Variants in FSTL4 observed in about 807,000 individuals in gnomAD.
FSTL4 encodes the protein follistatin-related protein 4.
In FSTL4, 28 loss-of-function variants were observed where a neutral mutation model predicts 78.2. The observed-to-expected ratio is 0.36, with a 90% CI of 0.27 to 0.49. FSTL4 has a LOEUF of 0.49. Ranked by LOEUF, FSTL4 falls within the 20% of genes least tolerant of loss-of-function variation. The probability of loss-of-function intolerance (pLI) is 0.98; values close to 1 mark genes in which losing one functional copy is unlikely to be tolerated. For synonymous variants in FSTL4, 422 were observed against 440.5 expected (o/e 0.96, Z 0.53); for missense variants, 922 against 1,084.9 (o/e 0.85, Z 2.11).
At chr5:133,800,554 A>C in the FSTL4 span, among the ~76,000 whole-genome samples, 1 of 139,070 alleles carries the variant, frequency 7.2e-6, no homozygotes, top group African/African-American at 2.6e-5. Context: ...TAAGGGGAAC[A>C]GGGACCAACC....
chr5:133,819,026 T>A, the FSTL4 span, among the ~76,000 whole-genome samples: 1 of 145,056 alleles, frequency 6.9e-6, no homozygotes, highest in East Asian at 2.0e-4. Flanking sequence ...GAAGGAGATC[T>A]GCCCAGCCGT....
intron 2 of FSTL4, among the ~76,000 whole-genome samples, chr5:133,572,960 T>C (rs935644464): frequency 2.0e-5 from 3 of 152,126 alleles, no homozygotes; most frequent in African/African-American, 7.2e-5. Flanking sequence ...AACACAAGGA[T>C]TGGGCTGGGC....
the FSTL4 span, among the ~76,000 whole-genome samples, chr5:133,655,910 T>G: frequency 2.6e-5 from 4 of 152,224 alleles, no homozygotes; most frequent in Admixed American, 2.6e-4. Flanking sequence ...GTTTTGCAGA[T>G]GAGAAAACCG....
intron 4 of FSTL4, among the ~76,000 whole-genome samples, chr5:133,352,861 G>T (rs1364366688): frequency 6.6e-6 from 1 of 152,096 alleles, no homozygotes; most frequent in Non-Finnish European, 1.5e-5. Flanking sequence ...CTGTTAATGG[G>T]CACCTGGGTT....
Position 133,394,119 on chromosome 5 carries a change from C to T in FSTL4, c.409+6619G>A, listed in dbSNP as rs549358124. On this transcript the variant is annotated intron_variant, in intron 4 of 15. Transcript: ENST00000265342. ...TGTGTGACTTGGGACAGGTACTAGCCCTCTCTGGGCTTCACGGTCCCTCTT... is the reference window on the plus strand; with the variant it reads ...TGTGTGACTTGGGACAGGTACTAGCTCTCTCTGGGCTTCACGGTCCCTCTT... Among the ~76,000 whole-genome samples, 3 of 152,370 alleles carry T rather than the reference C, an allele frequency of 2.0e-5. No homozygotes were observed. In the South Asian group the frequency reaches 6.2e-4, roughly 32 times the overall value.
At chr5:133,623,100 T>C in the FSTL4 span, among the ~76,000 whole-genome samples, 3 of 151,590 alleles carry the variant, frequency 2.0e-5, no homozygotes, top group African/African-American at 7.3e-5. Context: ...TTTTTTTTTT[T>C]CCTACAAATG....
chr5:133,740,224 A>G, the FSTL4 span, among the ~76,000 whole-genome samples: 1 of 152,080 alleles, frequency 6.6e-6, no homozygotes. Context: ...ACCCCCTTAG[A>G]CAGGTGGAAG....
chr5:133,790,575 C>G, the FSTL4 span, among the ~76,000 whole-genome samples: 1 of 152,186 alleles, frequency 6.6e-6, no homozygotes, highest in East Asian at 1.9e-4. Flanking sequence ...GCCCTGACCT[C>G]TCTCCAGGAC....
chr5:133,485,015 C>A (rs545460159), intron 3 of FSTL4, among the ~76,000 whole-genome samples: 42 of 152,314 alleles, frequency 2.8e-4, no homozygotes, highest in African/African-American at 9.6e-4. Context: ...AGCCAAAGAA[C>A]TTTCTAGCTC....
intron 4 of FSTL4, among the ~76,000 whole-genome samples, chr5:133,387,111 C>CCCTCTGCTGCTG (rs1392268070): frequency 6.6e-6 from 1 of 152,136 alleles, no homozygotes; most frequent in Non-Finnish European, 1.5e-5. Context: ...TGAAGTCTTT[C>CCCTCTGCTGCTG]CCTCTGCTGC....
intron 4 of FSTL4, among the ~76,000 whole-genome samples, chr5:133,318,507 T>C (rs1034795284): frequency 1.5e-4 from 23 of 152,170 alleles, no homozygotes; most frequent in Middle Eastern, 6.8e-3. Context: ...AGAATGAAAG[T>C]GGAGGTGGGG....
At chr5:133,305,420 A>G (rs1055081416) in intron 6 of FSTL4, among the ~76,000 whole-genome samples, 1 of 152,086 alleles carries the variant, frequency 6.6e-6, no homozygotes, top group Non-Finnish European at 1.5e-5. Context: ...GTCCCTTGGG[A>G]TCACATGCTC....
At chr5:133,368,581 C>A (rs1179996977) in intron 4 of FSTL4, among the ~76,000 whole-genome samples, 1 of 152,300 alleles carries the variant, frequency 6.6e-6, no homozygotes, top group Non-Finnish European at 1.5e-5. Flanking sequence ...GGACTGCCAA[C>A]CTCTGTAGAA....
chr5:133,464,213 C>T (rs1343478712), intron 3 of FSTL4, among the ~76,000 whole-genome samples: 1 of 152,186 alleles, frequency 6.6e-6, no homozygotes. Context: ...CCCAGCCCTG[C>T]CTTTGCTCTA....
chr5:133,427,236 C>G (rs144914381), intron 3 of FSTL4, among the ~76,000 whole-genome samples: 1 of 152,204 alleles, frequency 6.6e-6, no homozygotes, highest in Non-Finnish European at 1.5e-5. Context: ...GGACGAGAGA[C>G]GGCTCATGTG....
chr5:133,680,197 T>G, the FSTL4 span, among the ~76,000 whole-genome samples: 1 of 152,184 alleles, frequency 6.6e-6, no homozygotes, highest in Non-Finnish European at 1.5e-5. Context: ...AATTCATACT[T>G]TCATTCATTT....
intron 4 of FSTL4, among the ~76,000 whole-genome samples, chr5:133,352,319 TATATATAC>T (rs1754846345): frequency 2.2e-5 from 3 of 137,252 alleles, no homozygotes; most frequent in African/African-American, 3.1e-5. Context: ...TATACACACA[TATATATAC>T]ACACATATAT....
intron 6 of FSTL4, among the ~76,000 whole-genome samples, chr5:133,288,518 C>A (rs1753187915): frequency 6.6e-6 from 1 of 152,214 alleles, no homozygotes; most frequent in Admixed American, 6.5e-5. Context: ...CCCACAAGAC[C>A]AAACACAGAC....
the FSTL4 span, among the ~76,000 whole-genome samples, chr5:133,707,247 G>T: frequency 6.6e-6 from 1 of 152,178 alleles, no homozygotes; most frequent in South Asian, 2.1e-4. Context: ...CCAGGATCCT[G>T]CCCACCAGCA....
Sources: allele counts gnomAD v4.1 joint callset (sites outside exome capture counted in the v4.1 genomes callset), GRCh38; gene constraint gnomAD v4.1.1; transcripts MANE v1.5; gene names NCBI Gene and HGNC (gene_info 2026-07-23, HGNC 2026-07-21).